Variants in ART3 observed in about 807,000 individuals in gnomAD.
ART3 encodes the protein ADP-ribosyltransferase 3 (inactive).
Under a neutral mutation model 48.5 loss-of-function variants are expected in ART3, and 49 were observed. The observed-to-expected ratio is 1.01, with a 90% CI of 0.80 to 1.28. The LOEUF is 1.28. Ranked by LOEUF, ART3 falls within the 50% of genes most tolerant of loss-of-function variation. The pLI is 0.00. For synonymous variants in ART3, 145 were observed against 157.2 expected (o/e 0.92, Z 0.58); for missense variants, 438 against 454.3 (o/e 0.96, Z 0.33).
intron 1 of ART3, among the ~76,000 whole-genome samples, chr4:76,031,461 C>T (rs1445458003): frequency 6.6e-6 from 1 of 151,996 alleles, no homozygotes; most frequent in African/African-American, 2.4e-5. Context: ...TGATTTTCCT[C>T]CTCCACTCTT....
rs546778685 is a variant in ART3, at chr4:76,034,310, A to G, written c.-10+22990A>G. On this transcript the variant is annotated intron_variant, in intron 1 of 9. Transcript: ENST00000341029. ...GGGCTTGACTCCAGTAATAATGTCA[A>G]TGTCTCCACCGTAACCACAGATAGT... is the stretch of plus-strand genomic sequence containing the variant. The G allele has an allele frequency of 7.9e-4, 316 of 398,284 alleles. 2 individuals carry two copies. Among genetic ancestry groups the G allele is most frequent in the Non-Finnish European group, 1.2e-3 (273 of 226,494 alleles). The allele number at this position is 398,284 out of a possible 1,614,324, so 24.7% of individuals were successfully genotyped here.
intron 1 of ART3, among the ~76,000 whole-genome samples, chr4:76,014,424 T>C (rs1732076052): frequency 6.6e-6 from 1 of 152,080 alleles, no homozygotes; most frequent in African/African-American, 2.4e-5. Flanking sequence ...AGTAGATGGG[T>C]TCAACAGCAG....
intron 1 of ART3, among the ~76,000 whole-genome samples, chr4:76,064,250 A>T (rs1021562865): frequency 6.6e-6 from 1 of 152,186 alleles, no homozygotes; most frequent in Non-Finnish European, 1.5e-5. Flanking sequence ...ACTTTTCCCA[A>T]CAACCACCAT....
intron 10 of ART3, chr4:76,105,817 C>G (rs2149704435): frequency 1.0e-6 from 1 of 985,424 alleles, no homozygotes; most frequent in Admixed American, 6.1e-5. Flanking sequence ...CTGGGCCTGT[C>G]TATTCCAGAA....
At chr4:76,080,709 T>TC (rs35933066) in intron 2 of ART3, among the ~76,000 whole-genome samples, 16,326 of 151,930 alleles carry the variant, frequency 0.11, 948 homozygotes, top group South Asian at 0.16. Context: ...TGGGGTTTCA[T>TC]CATGTTAGCC....
chr4:76,108,916 A>T (rs187764145), intron 11 of ART3, among the ~76,000 whole-genome samples: 2 of 152,296 alleles, frequency 1.3e-5, no homozygotes, highest in Admixed American at 1.3e-4. Flanking sequence ...TAAAAGATAA[A>T]AAATGGTACA....
intron 1 of ART3, among the ~76,000 whole-genome samples, chr4:76,030,302 C>T (rs1262606736): frequency 1.3e-5 from 2 of 152,108 alleles, no homozygotes; most frequent in African/African-American, 4.8e-5. Context: ...GTGATCCACC[C>T]GCCTCGGCCT....
chr4:76,042,427 A>G (rs1735054104), intron 1 of ART3, among the ~76,000 whole-genome samples: 1 of 152,208 alleles, frequency 6.6e-6, no homozygotes. Flanking sequence ...GTGTTAGAAG[A>G]CAGATGACTC....
intron 3 of ART3, 113 bp from the exon 4 acceptor site, chr4:76,097,531 G>A: frequency 1.2e-6 from 1 of 867,870 alleles, no homozygotes; most frequent in East Asian, 2.5e-5. Context: ...TACTAATTAT[G>A]AGTCTGATAA....
At chr4:76,039,699 T>C (rs1423957553) in intron 1 of ART3, among the ~76,000 whole-genome samples, 2 of 152,262 alleles carry the variant, frequency 1.3e-5, no homozygotes, top group African/African-American at 4.8e-5. Context: ...TGTTGTCATA[T>C]AGCTTTGGTG....
chr4:76,055,054 C>T (rs930544634), intron 1 of ART3, among the ~76,000 whole-genome samples: 3 of 152,208 alleles, frequency 2.0e-5, no homozygotes, highest in Admixed American at 6.5e-5. Context: ...AGATTACAGG[C>T]GTGAGCCACA....
At chr4:76,107,098 G>A (rs2109788654) in intron 10 of ART3, 1 of 152,274 alleles carries the variant, frequency 6.6e-6, no homozygotes, top group South Asian at 2.1e-4. Context: ...GCAGGCTCAT[G>A]TAAGTGTTCT....
chr4:76,026,697 G>GT (rs11319980), intron 1 of ART3, among the ~76,000 whole-genome samples: 4 of 152,020 alleles, frequency 2.6e-5, no homozygotes, highest in South Asian at 2.1e-4. Context: ...GTTATTTGCT[G>GT]TTTTTTTATC....
At chr4:76,043,360 G>A (rs1335579829) in intron 1 of ART3, among the ~76,000 whole-genome samples, 9 of 151,966 alleles carry the variant, frequency 5.9e-5, no homozygotes, top group Non-Finnish European at 1.3e-4. Flanking sequence ...CACTCGTCAG[G>A]GAGGCTCGGG....
intron 1 of ART3, among the ~76,000 whole-genome samples, chr4:76,049,102 C>T (rs1735786258): frequency 6.6e-6 from 1 of 151,916 alleles, no homozygotes; most frequent in Non-Finnish European, 1.5e-5. Flanking sequence ...TCCAGGTAGT[C>T]CCCACTATGA....
chr4:76,014,784 G>A (rs1266817747), intron 1 of ART3, among the ~76,000 whole-genome samples: 2 of 152,102 alleles, frequency 1.3e-5, no homozygotes, highest in Non-Finnish European at 2.9e-5. Flanking sequence ...AAGAGACAGA[G>A]AATCTTGAAA....
intron 8 of ART3, among the ~76,000 whole-genome samples, chr4:76,101,628 T>C (rs1727337843): frequency 6.6e-6 from 1 of 152,118 alleles, no homozygotes; most frequent in African/African-American, 2.4e-5. Context: ...GGCACACGCC[T>C]GTAGTCTCAG....
intron 1 of ART3, chr4:76,075,398 A>G: frequency 6.5e-6 from 1 of 153,394 alleles, no homozygotes; most frequent in East Asian, 1.9e-4. Context: ...CCCACTCAAA[A>G]GGGCATGACA....
At chr4:76,100,899 T>C in intron 7 of ART3, 75 bp downstream of exon 7, 1 of 1,595,764 alleles carries the variant, frequency 6.3e-7, no homozygotes. Flanking sequence ...AATATTTTCA[T>C]ATTTACTGAA....
Sources: gnomAD v4.1 joint callset for allele counts (sites outside exome capture counted in the v4.1 genomes callset) on GRCh38, gnomAD v4.1.1 for gene constraint, MANE v1.5 for transcripts, NCBI Gene and HGNC (gene_info 2026-07-23, HGNC 2026-07-21) for gene names.